KIF13B: variants seen among roughly 807,000 people sequenced by gnomAD.
KIF13B encodes the protein kinesin-like protein KIF13B.
A neutral mutation model predicts 222.0 loss-of-function variants in KIF13B; 127 were observed. The ratio of observed to expected loss-of-function variants is 0.57; its 90% CI spans 0.50 to 0.66. KIF13B has a LOEUF of 0.66. Ranked by LOEUF, KIF13B falls within the 30% of genes least tolerant of loss-of-function variation. The pLI, the probability that KIF13B is intolerant of heterozygous loss-of-function variation, is 0.00. For missense variants in KIF13B, 2,173 were observed against 2,379.0 expected, an observed-to-expected ratio of 0.91 and a Z score of 1.80; for synonymous variants, 976 against 919.0, an observed-to-expected ratio of 1.06 and a Z score of -1.12.
intron 2 of KIF13B, among the ~76,000 whole-genome samples, chr8:29,224,190 A>G (rs1044277934): frequency 6.8e-6 from 1 of 148,016 alleles, no homozygotes; most frequent in African/African-American, 2.5e-5. Flanking sequence ...TTTTTAGTAG[A>G]GATGGGGTTT....
intron 2 of KIF13B, among the ~76,000 whole-genome samples, chr8:29,233,896 AAG>A (rs1445238071): frequency 1.3e-5 from 2 of 152,348 alleles, no homozygotes; most frequent in South Asian, 2.1e-4. Flanking sequence ...ATTTAAAAAC[AAG>A]AGTCATTATA....
At position 29,263,039 on chromosome 8, in the gene KIF13B, C is replaced by T. The variant is rs1395683728; in HGVS notation, c.-5G>A. 6.3e-7 allele frequency: 1 copy of T among 1,592,742 alleles called. No homozygotes were observed. Among genetic ancestry groups the T allele is most frequent in the South Asian group, 1.1e-5 (1 of 87,280 alleles). ...TTTCACTTTGGAGTCCCCCATCCTG[C>T]AGCCGCCGAGGAACTCGTTCGGCTT... is the stretch of plus-strand genomic sequence containing the variant. On this transcript the variant is annotated 5_prime_UTR_variant, in exon 1 of 40. Transcript: ENST00000524189.
intron 31 of KIF13B, among the ~76,000 whole-genome samples, chr8:29,115,767 C>A (rs1009502965): frequency 5.3e-5 from 8 of 152,156 alleles, no homozygotes; most frequent in African/African-American, 1.9e-4. Flanking sequence ...GGTCCCCGAT[C>A]CTGCCCCGTC....
chr8:29,206,758 G>C (rs1178336944), intron 2 of KIF13B, among the ~76,000 whole-genome samples: 1 of 152,148 alleles, frequency 6.6e-6, no homozygotes, highest in Non-Finnish European at 1.5e-5. Flanking sequence ...ATTAAAAATA[G>C]AATGAATGAG....
intron 3 of KIF13B, among the ~76,000 whole-genome samples, chr8:29,191,642 T>C (rs1160065915): frequency 2.0e-5 from 3 of 152,240 alleles, no homozygotes; most frequent in Non-Finnish European, 4.4e-5. Flanking sequence ...GCAGGAACAA[T>C]CTGTATTAAA....
At chr8:29,232,988 T>C (rs1203897604) in intron 2 of KIF13B, among the ~76,000 whole-genome samples, 6 of 152,032 alleles carry the variant, frequency 3.9e-5, no homozygotes, top group African/African-American at 1.5e-4. Flanking sequence ...AAACCCTATC[T>C]CTACTAAAAA....
chr8:29,159,348 T>C (rs372794650), intron 13 of KIF13B, among the ~76,000 whole-genome samples: 8 of 152,054 alleles, frequency 5.3e-5, no homozygotes, highest in African/African-American at 1.9e-4. Context: ...CGGAGTTTCA[T>C]CATGTTGGCC....
chr8:29,161,972 C>T (rs1248527652), intron 12 of KIF13B, among the ~76,000 whole-genome samples: 1 of 152,240 alleles, frequency 6.6e-6, no homozygotes, highest in African/African-American at 2.4e-5. Context: ...CAAAAACAAA[C>T]AAATTTGCAT....
chr8:29,107,193 C>T (rs944585055), intron 35 of KIF13B, among the ~76,000 whole-genome samples: 4 of 152,156 alleles, frequency 2.6e-5, no homozygotes, highest in Non-Finnish European at 5.9e-5. Flanking sequence ...TCTTATTCCT[C>T]CTACATTTTT....
chr8:29,200,578 T>C (rs1046594352), intron 2 of KIF13B, among the ~76,000 whole-genome samples: 1 of 152,228 alleles, frequency 6.6e-6, no homozygotes, highest in Non-Finnish European at 1.5e-5. Context: ...ATATTTCTTA[T>C]ATCACCACAG....
intron 26 of KIF13B, among the ~76,000 whole-genome samples, chr8:29,125,994 G>A (rs1810090772): frequency 2.0e-5 from 3 of 151,986 alleles, no homozygotes; most frequent in South Asian, 4.1e-4. Flanking sequence ...TGTAATCCCA[G>A]CTACTTGGTA....
At chr8:29,220,012 C>T (rs1479305927) in intron 2 of KIF13B, among the ~76,000 whole-genome samples, 5 of 151,918 alleles carry the variant, frequency 3.3e-5, no homozygotes, top group Non-Finnish European at 7.4e-5. Flanking sequence ...TGCAGTGAGC[C>T]GAGATCATGC....
chr8:29,092,950 CA>C (rs1808369715), intron 36 of KIF13B, 72 bp from the exon 37 acceptor site: 1 of 1,347,404 alleles, frequency 7.4e-7, no homozygotes, highest in Admixed American at 2.8e-5. Context: ...GTACATTTGA[CA>C]GACATCACTT....
chr8:29,070,747 G>T lies in KIF13B; in HGVS notation c.5238C>A (p.Ile1746=), dbSNP rs536738883. 123 of 1,586,630 alleles carry T rather than the reference G, an allele frequency of 7.8e-5. No individual in the cohort carries two copies. The highest frequency in any genetic ancestry group is 5.0e-4 in the Middle Eastern group (3 of 6,028). ...DLPSGKNDGS[I]GGKQYFRCNP... is the part of the protein sequence containing the mutation. ...TACACCTGAAGTACTGCTTCCCGCCGATGGAACCGTCATTCTTACCTGCGG... is the reference window on the plus strand; with the variant it reads ...TACACCTGAAGTACTGCTTCCCGCCTATGGAACCGTCATTCTTACCTGCGG... The change falls in exon 40 of 40, where the codon ATC becomes ATA. Residue 1746 remains isoleucine (I), a synonymous_variant. Coordinates refer to ENST00000524189, the MANE Select transcript of KIF13B (RefSeq NM_015254.4). This position sits in a 1 kb window ranked among gnomAD's most constrained non-coding sequence, Gnocchi z 4.1.
chr8:29,091,929 T>G (rs1000382542), intron 37 of KIF13B, among the ~76,000 whole-genome samples: 1 of 152,250 alleles, frequency 6.6e-6, no homozygotes, highest in Non-Finnish European at 1.5e-5. Context: ...CTGATAAAAC[T>G]AATTCCTTCT....
In KIF13B at chr8:29,245,425, T is replaced by C; in HGVS notation, c.70A>G (p.Thr24Ala). Residue 24 changes from threonine to alanine, a missense_variant, in exon 2 of 40, where the codon ACC becomes GCC. By Grantham distance (58) the Thr-to-Ala change is moderately conservative. Transcript: ENST00000524189. The stretch of plus-strand genomic sequence containing the variant: ...GCATCCACATCCACCACACATTTGG[T>C]ATGCAAGTCAGTCTCTGTGGATAAA... Reference protein sequence around the residue: ...PMNRRETDLHTKCVVDVDANK... With the variant: ...PMNRRETDLHAKCVVDVDANK... 1.9e-6 allele frequency: 3 copies of C among 1,597,448 alleles called. No individual in the cohort carries two copies. Among genetic ancestry groups the C allele is most frequent in the Non-Finnish European group, 2.6e-6 (3 of 1,170,400 alleles).
chr8:29,196,064 A>G, intron 3 of KIF13B, 123 bp downstream of exon 3: 1 of 852,134 alleles, frequency 1.2e-6, no homozygotes, highest in South Asian at 1.7e-5. Flanking sequence ...GTAGGCTGAC[A>G]GCTTGCATTA....
intron 3 of KIF13B, among the ~76,000 whole-genome samples, chr8:29,194,746 T>C (rs757699844): frequency 3.3e-5 from 5 of 152,304 alleles, no homozygotes; most frequent in Non-Finnish European, 4.4e-5. Context: ...TCGAATAACA[T>C]AGAAGCATAA....
chr8:29,177,442 A>C (rs1420570010), intron 9 of KIF13B, 24 bp downstream of exon 9: 1 of 1,381,322 alleles, frequency 7.2e-7, no homozygotes, highest in Non-Finnish European at 1.0e-6. Flanking sequence ...TAAAGCAATA[A>C]AAATAAGCTT....
Sources: gnomAD v4.1 joint callset for allele counts (sites outside exome capture counted in the v4.1 genomes callset) on GRCh38, gnomAD v4.1.1 for gene constraint, Gnocchi (gnomAD v3.1) non-coding constraint, MANE v1.5 for transcripts, NCBI Gene and HGNC (gene_info 2026-07-23, HGNC 2026-07-21) for gene names.